C1QTNF6: variants seen among roughly 807,000 people sequenced by gnomAD.
C1QTNF6 encodes complement C1q tumor necrosis factor-related protein 6.
Under a neutral mutation model 20.7 loss-of-function variants are expected in C1QTNF6, and 17 were observed. That is an observed-to-expected ratio of 0.82 (90% CI 0.56 to 1.23). The LOEUF is 1.23. Among genes scored for constraint, C1QTNF6 ranks in the 50% most tolerant of loss-of-function variants. The probability of loss-of-function intolerance (pLI) is 0.00; values close to 1 mark genes in which losing one functional copy is unlikely to be tolerated. For missense variants in C1QTNF6, 329 were observed against 389.7 expected, an observed-to-expected ratio of 0.84 and a Z score of 1.31; for synonymous variants, 130 against 156.3, an observed-to-expected ratio of 0.83 and a Z score of 1.25.
Position 37,181,954 on chromosome 22 carries a change from A to C in C1QTNF6, c.*234T>G. On this transcript the variant is annotated 3_prime_UTR_variant, in exon 3 of 3. Transcript: ENST00000337843. ...GAAGTGCTGGGCTACGAGGCTGGGA[A>C]AGTTCTAGAATATTTAGGTTAGCAA... The C allele has an allele frequency of 5.6e-6, 3 of 533,142 alleles. No homozygotes were observed. Among genetic ancestry groups the C allele is most frequent in the Non-Finnish European group, 6.6e-6 (2 of 303,980 alleles). The allele number at this position is 533,142 out of a possible 1,614,324, so 33.0% of individuals were successfully genotyped here.
chr22:37,183,462 C>A (rs1470663768), intron 2 of C1QTNF6, among the ~76,000 whole-genome samples: 1 of 152,244 alleles, frequency 6.6e-6, no homozygotes, highest in Admixed American at 6.5e-5. Context: ...CAATGGCCCC[C>A]AGGCAGGCAC....
upstream of C1QTNF6, chr22:37,188,593 C>A (rs957150367): frequency 1.1e-5 from 2 of 182,026 alleles, no homozygotes; most frequent in African/African-American, 2.3e-5. Flanking sequence ...CCTGAGTCCA[C>A]CCTGAGCTAA....
chr22:37,198,552 C>T (rs932581725), upstream of C1QTNF6, among the ~76,000 whole-genome samples: 1 of 152,210 alleles, frequency 6.6e-6, no homozygotes, highest in Non-Finnish European at 1.5e-5. Flanking sequence ...TCCTGGCGTC[C>T]GCTATGTAGG....
At chr22:37,195,966 TATG>T (rs1925109675) in intron 1 of C1QTNF6, 1 of 152,198 alleles carries the variant, frequency 6.6e-6, no homozygotes, top group South Asian at 2.1e-4. Context: ...ACCTGTATCT[TATG>T]ATACCAGTCC....
upstream of C1QTNF6, among the ~76,000 whole-genome samples, chr22:37,189,590 G>C (rs534317091): frequency 2.6e-4 from 40 of 152,292 alleles, no homozygotes; most frequent in Admixed American, 2.5e-3. Flanking sequence ...TGATATTCCT[G>C]CCTAACTATT....
chr22:37,198,913 GGAAC>G (rs1925318052), upstream of C1QTNF6, among the ~76,000 whole-genome samples: 1 of 152,086 alleles, frequency 6.6e-6, no homozygotes, highest in African/African-American at 2.4e-5. Context: ...TTCGCTCTCC[GGAAC>G]CAGGTTCCCC....
At position 37,185,459 on chromosome 22, in the gene C1QTNF6, G is replaced by A. The variant is rs780585721; in HGVS notation, c.52-4C>T. 4 of 1,592,940 alleles carry A rather than the reference G, an allele frequency of 2.5e-6. No individual in the cohort carries two copies. The highest frequency in any genetic ancestry group is 3.4e-5 in the Admixed American group (2 of 58,214). ...GGGCGGCTGTCCCCATGGTGACCTG[G>A]AACAAGGAAGGAGGGACAGGAACTA... is the stretch of plus-strand genomic sequence containing the variant. On this transcript the variant is annotated splice_region_variant and splice_polypyrimidine_tract_variant and intron_variant, in intron 1 of 2. Coordinates refer to ENST00000337843, the MANE Select transcript of C1QTNF6 (RefSeq NM_031910.4).
rs1924137415 is a variant in C1QTNF6, at chr22:37,184,686, T to C, written c.289+532A>G. On this transcript the variant is annotated intron_variant, in intron 2 of 2. Transcript: ENST00000337843. This position sits in a 1 kb window ranked among gnomAD's most constrained non-coding sequence, Gnocchi z 4.0. Reference sequence around the variant, plus strand: ...TCCCTGTCCCACCCAAACCTGCCCCTGTTCCCACTCCACTCAGCGGAGCCC... The same window carrying C: ...TCCCTGTCCCACCCAAACCTGCCCCCGTTCCCACTCCACTCAGCGGAGCCC... Among the ~76,000 whole-genome samples the C allele has an allele frequency of 6.6e-6, 1 of 152,050 alleles. No individual in the cohort carries two copies. Among genetic ancestry groups the C allele is most frequent in the Non-Finnish European group, 1.5e-5 (1 of 67,980 alleles).
At chr22:37,192,438 G>C (rs566289840), upstream of C1QTNF6, among the ~76,000 whole-genome samples, 2 of 149,966 alleles carry the variant, frequency 1.3e-5, no homozygotes, top group East Asian at 3.9e-4. Context: ...CTGGGGGCAT[G>C]GCTAACTCGA....
upstream of C1QTNF6, chr22:37,188,626 C>G (rs1437262924): frequency 6.0e-6 from 1 of 165,958 alleles, no homozygotes; most frequent in Non-Finnish European, 1.3e-5. Flanking sequence ...CTCTGAGTCA[C>G]AGAGGCAGGG....
upstream of C1QTNF6, chr22:37,197,748 CAT>C (rs1925231077): frequency 1.3e-5 from 2 of 152,384 alleles, no homozygotes; most frequent in African/African-American, 4.8e-5. Context: ...TTTTCCCTCC[CAT>C]TAGCTTTGAC....
chr22:37,189,113 C>G (rs561878231), upstream of C1QTNF6, among the ~76,000 whole-genome samples: 9 of 152,224 alleles, frequency 5.9e-5, no homozygotes, highest in African/African-American at 1.7e-4. Flanking sequence ...GCTTCCTCCC[C>G]CTTTTAGACA....
chr22:37,195,984 G>A (rs1043736968), intron 1 of C1QTNF6: 2 of 152,090 alleles, frequency 1.3e-5, no homozygotes, highest in Non-Finnish European at 2.9e-5. Context: ...CAGTCCTGCC[G>A]ACTCCCATCT....
intron 2 of C1QTNF6, among the ~76,000 whole-genome samples, chr22:37,193,453 TG>T (rs1252232137): frequency 4.0e-5 from 6 of 150,690 alleles, no homozygotes; most frequent in Admixed American, 4.0e-4. Context: ...GAAGACAAAA[TG>T]GGGAAAAAAA....
rs1924046985 is a variant in C1QTNF6, at chr22:37,184,116, C to T, written c.289+1102G>A. On this transcript the variant is annotated intron_variant, in intron 2 of 2. Transcript: ENST00000337843. This position sits in a 1 kb window ranked among gnomAD's most constrained non-coding sequence, Gnocchi z 4.0. The stretch of plus-strand genomic sequence containing the variant: ...AACCTCATGCAGAGAGCTAAGTCAG[C>T]CCTGGGGAAGCTGGGTGGGGAGGGG... Among the ~76,000 whole-genome samples, 1 of 152,104 alleles carries T rather than the reference C, an allele frequency of 6.6e-6. No individual in the cohort carries two copies.
At chr22:37,191,391 G>C (rs1924810305), upstream of C1QTNF6, among the ~76,000 whole-genome samples, 1 of 152,188 alleles carries the variant, frequency 6.6e-6, no homozygotes, top group Non-Finnish European at 1.5e-5. Context: ...ACAGCCCAAA[G>C]AAAGCCAAAC....
At position 37,182,083 on chromosome 22, in the gene C1QTNF6, CG is replaced by C; in HGVS notation, c.*104del. 7.6e-7 allele frequency: 1 copy of C among 1,307,536 alleles called. No homozygotes were observed. Among genetic ancestry groups the C allele is most frequent in the Non-Finnish European group, 1.0e-6 (1 of 972,518 alleles). The allele number at this position is 1,307,536 out of a possible 1,614,324, so 81.0% of individuals were successfully genotyped here. On this transcript the variant is annotated 3_prime_UTR_variant, in exon 3 of 3. Coordinates refer to ENST00000337843, the MANE Select transcript of C1QTNF6 (RefSeq NM_031910.4). ...GGGTCTCCCCAGAATGCCAGGTCCC[CG>C]GGGACCTCCCTGGCCTTCCTGCTTC... is the stretch of plus-strand genomic sequence containing the variant.
In C1QTNF6 at chr22:37,184,518, AC is replaced by A; in HGVS notation, c.289+699del. The A allele has an allele frequency of 4.2e-6, 3 of 709,590 alleles. No homozygotes were observed. The highest frequency in any genetic ancestry group is 7.8e-6 in the Non-Finnish European group (3 of 382,654). 44.0% of individuals were successfully genotyped at this position (709,590 alleles called of 1,614,324 possible). On this transcript the variant is annotated intron_variant, in intron 2 of 2. Transcript: ENST00000337843. This position sits in a 1 kb window ranked among gnomAD's most constrained non-coding sequence, Gnocchi z 4.0. ...TTCACCTGGACGGGCCCTCACCTGG[AC>A]AGCCCTCACCTGGACAGCCCTCACC...
Position 37,182,400 on chromosome 22 carries a change from T to C in C1QTNF6, c.625A>G (p.Ile209Val), listed in dbSNP as rs1173317626. 2.5e-6 allele frequency: 4 copies of C among 1,614,238 alleles called. No individual in the cohort carries two copies. The highest frequency in any genetic ancestry group is 2.2e-5 in the East Asian group (1 of 44,886). ...ACAGCCTCTTTCTGGTTATGCATAA[T>C]GTGCACGTACGTCTCCTTGTAATTC... ...SWNYKETYVH[I>V]MHNQKEAVIL... Residue 209 changes from isoleucine to valine, a missense_variant, in exon 3 of 3, where the codon ATT (isoleucine) becomes GTT (valine). Physicochemically the swap from Ile to Val is conservative, Grantham distance 29. Coordinates refer to ENST00000337843, the MANE Select transcript of C1QTNF6 (RefSeq NM_031910.4).
Sources: allele counts gnomAD v4.1 joint callset (sites outside exome capture counted in the v4.1 genomes callset), GRCh38; gene constraint gnomAD v4.1.1; non-coding constraint Gnocchi (gnomAD v3.1); transcripts MANE v1.5; gene names NCBI Gene and HGNC (gene_info 2026-07-23, HGNC 2026-07-21).